The following NRXN1 variants were observed in gnomAD, a reference collection of about 807,000 sequenced individuals.
NRXN1 encodes the protein neurexin 1.
Under a neutral mutation model 150.9 loss-of-function variants are expected in NRXN1, and 39 were observed. The ratio of observed to expected loss-of-function variants is 0.26; its 90% CI spans 0.20 to 0.34. The LOEUF (loss-of-function observed/expected upper bound fraction) is 0.34, where lower values mean the gene tolerates loss of function less well. Ranked by LOEUF, NRXN1 falls within the 10% of genes least tolerant of loss-of-function variation. The pLI, the probability that NRXN1 is intolerant of heterozygous loss-of-function variation, is 1.00. For missense variants in NRXN1, 1,815 were observed against 1,949.9 expected, an observed-to-expected ratio of 0.93 and a Z score of 1.30; for synonymous variants, 924 against 757.0, an observed-to-expected ratio of 1.22 and a Z score of -3.62.
At chr2:50,787,455 G>C (rs986566064) in intron 5 of NRXN1, among the ~76,000 whole-genome samples, 1 of 151,614 alleles carries the variant, frequency 6.6e-6, no homozygotes, top group Non-Finnish European at 1.5e-5. Context: ...CCAGCTATTC[G>C]GGATGGTGGG....
chr2:50,685,681 T>C (rs1691123032), intron 5 of NRXN1, among the ~76,000 whole-genome samples: 1 of 152,104 alleles, frequency 6.6e-6, no homozygotes, highest in African/African-American at 2.4e-5. Context: ...TCAAATCCAT[T>C]TTACAATTAA....
intron 17 of NRXN1, among the ~76,000 whole-genome samples, chr2:50,407,626 T>G (rs1329225470): frequency 1.3e-5 from 2 of 152,012 alleles, no homozygotes; most frequent in Non-Finnish European, 2.9e-5. Context: ...TAATGGGTCA[T>G]CATGGGAGTG....
chr2:50,207,144 C>A (rs1320571013), intron 18 of NRXN1, among the ~76,000 whole-genome samples: 1 of 152,020 alleles, frequency 6.6e-6, no homozygotes, highest in African/African-American at 2.4e-5. Flanking sequence ...TTAATCAATA[C>A]GATGTGCTAG....
At chr2:51,018,763 G>C (rs1669130626) in intron 2 of NRXN1, among the ~76,000 whole-genome samples, 2 of 152,048 alleles carry the variant, frequency 1.3e-5, no homozygotes, top group Admixed American at 6.6e-5. Context: ...AACTCTGAAA[G>C]AGATGAAAAC....
chr2:50,423,935 G>A (rs2084219874), intron 17 of NRXN1, among the ~76,000 whole-genome samples: 1 of 152,084 alleles, frequency 6.6e-6, no homozygotes, highest in Non-Finnish European at 1.5e-5. Flanking sequence ...GCCATGAGGT[G>A]AGATCTCCTT....
intron 21 of NRXN1, among the ~76,000 whole-genome samples, chr2:49,992,389 A>AC (rs1412483031): frequency 2.8e-5 from 4 of 144,052 alleles, no homozygotes; most frequent in Admixed American, 7.1e-5. Flanking sequence ...ATACAAACAA[A>AC]AAAAAAACAC....
At position 50,286,952 on chromosome 2, in the gene NRXN1, T is replaced by C. The variant is rs912947371; in HGVS notation, c.3365-49982A>G. Among the ~76,000 whole-genome samples, 4 of 152,200 alleles carry C rather than the reference T, an allele frequency of 2.6e-5. No homozygotes were observed. In the South Asian group the frequency reaches 8.3e-4, roughly 32 times the overall value. ...TTCCTGTTATCATTATTTTACAATA[T>C]AGACATGTTGATTTTGGCATTTAAG... On this transcript the variant is annotated intron_variant, in intron 17 of 22. Transcript: ENST00000401669.
intron 17 of NRXN1, among the ~76,000 whole-genome samples, chr2:50,320,162 A>T (rs1433336718): frequency 6.6e-6 from 1 of 151,450 alleles, no homozygotes; most frequent in African/African-American, 2.4e-5. Flanking sequence ...CATCAATTCA[A>T]GTGCCTAACA....
rs1365754819 is a variant in NRXN1, at chr2:49,920,737, TGTGTGTGAAA to T, written c.*1197_*1206del. On this transcript the variant is annotated 3_prime_UTR_variant, in exon 23 of 23. Transcript: ENST00000401669. ...GTGTGTGTGTGTGTGTGTGTGTGTG[TGTGTGTGAAA>T]ATAGTGAATGTATGTGGGAATGTGA... The T allele has an allele frequency of 1.6e-5, 2 of 125,762 alleles. No individual in the cohort carries two copies. Among genetic ancestry groups the T allele is most frequent in the Non-Finnish European group, 3.5e-5 (2 of 57,044 alleles). 7.8% of individuals were successfully genotyped at this position (125,762 alleles called of 1,614,324 possible). A position where few individuals can be genotyped will look rare whatever the true frequency, so the allele number is the denominator to read the frequency against.
At chr2:50,454,143 T>C (rs192394766) in intron 17 of NRXN1, among the ~76,000 whole-genome samples, 29 of 152,094 alleles carry the variant, frequency 1.9e-4, no homozygotes, top group South Asian at 6.2e-4. Flanking sequence ...CTGGGCAACA[T>C]GGTGAAACCC....
intron 18 of NRXN1, among the ~76,000 whole-genome samples, chr2:50,194,340 A>C (rs1037397315): frequency 1.3e-5 from 2 of 152,142 alleles, no homozygotes; most frequent in African/African-American, 4.8e-5. Context: ...TATTTATATG[A>C]GCATTCTCTT....
chr2:51,021,450 G>T (rs545608859), intron 2 of NRXN1, among the ~76,000 whole-genome samples: 1 of 151,888 alleles, frequency 6.6e-6, no homozygotes, highest in African/African-American at 2.4e-5. Flanking sequence ...ATTATACAGT[G>T]CCAGTTCTTT....
chr2:50,084,914 C>T (rs1299227103), intron 19 of NRXN1, among the ~76,000 whole-genome samples: 1 of 152,214 alleles, frequency 6.6e-6, no homozygotes, highest in Non-Finnish European at 1.5e-5. Context: ...TAGGAAGACA[C>T]ATTCAATATA....
intron 18 of NRXN1, among the ~76,000 whole-genome samples, chr2:50,106,944 G>C (rs867028194): frequency 6.6e-6 from 1 of 152,010 alleles, no homozygotes; most frequent in Middle Eastern, 3.4e-3. Flanking sequence ...AAGTTACTCT[G>C]TTGACATTGG....
At chr2:50,635,059 A>C (rs1310397357) in intron 5 of NRXN1, among the ~76,000 whole-genome samples, 1 of 152,152 alleles carries the variant, frequency 6.6e-6, no homozygotes. Flanking sequence ...CTTGTGAGTA[A>C]TACCGGCTAG....
At chr2:50,417,026 G>C (rs536514858) in intron 17 of NRXN1, 2 of 151,984 alleles carry the variant, frequency 1.3e-5, no homozygotes, top group African/African-American at 2.4e-5. Context: ...AAACAGTAAC[G>C]GTTTCCTTTT....
intron 12 of NRXN1, among the ~76,000 whole-genome samples, chr2:50,508,944 A>C (rs2092348134): frequency 6.6e-6 from 1 of 152,220 alleles, no homozygotes; most frequent in Non-Finnish European, 1.5e-5. Context: ...TGGAAAGTGC[A>C]CTAGACTGGG....
In NRXN1 at chr2:50,708,211, G is replaced by A. The variant is rs72837035; in HGVS notation, c.833-84596C>T. Among the ~76,000 whole-genome samples the A allele has an allele frequency of 9.2e-3, 1,396 of 152,264 alleles. 10 individuals carry two copies. The highest frequency in any genetic ancestry group is 0.021 in the South Asian group (100 of 4,830). On this transcript the variant is annotated intron_variant, in intron 5 of 22. Coordinates refer to ENST00000401669, the MANE Select transcript of NRXN1 (RefSeq NM_001330078.2). ...AGATTTAGAAATTATCTCATGTAAC[G>A]ATTCCTGATCTAGGTTCTTCAGGCA...
At chr2:50,877,208 CAT>C (rs566494591) in intron 5 of NRXN1, among the ~76,000 whole-genome samples, 3 of 151,648 alleles carry the variant, frequency 2.0e-5, no homozygotes, top group African/African-American at 4.8e-5. Flanking sequence ...CACACACACA[CAT>C]ATATATACAC....
Sources: allele counts gnomAD v4.1 joint callset (sites outside exome capture counted in the v4.1 genomes callset), GRCh38; gene constraint gnomAD v4.1.1; transcripts MANE v1.5; gene names NCBI Gene and HGNC (gene_info 2026-07-23, HGNC 2026-07-21).